EFCAB8: variants seen among roughly 807,000 people sequenced by gnomAD.
EFCAB8 encodes EF-hand calcium-binding domain-containing protein 8.
Under a neutral mutation model 116.3 loss-of-function variants are expected in EFCAB8, and 100 were observed. The observed-to-expected ratio is 0.86, with a 90% CI of 0.73 to 1.02. The LOEUF is 1.02. Ranked by LOEUF, EFCAB8 falls within the 50% of genes least tolerant of loss-of-function variation. EFCAB8 has a pLI of 0.00. For synonymous variants in EFCAB8, 558 were observed against 567.9 expected (o/e 0.98, Z 0.25); for missense variants, 1,320 against 1,416.9 (o/e 0.93, Z 1.10).
Position 32,961,440 on chromosome 20 carries a change from C to T in EFCAB8, c.3698C>T (p.Ser1233Leu). ...TTCTCCTTCTTGCTGCGGCCCCAGT[C>T]AGCCTCCACAGCCCATTCCACCCCC... ...PQFSFLLRPQ[S>L]ASTAHSTPSV... Residue 1233 changes from serine to leucine, a missense_variant, in exon 27 of 27, where the codon TCA becomes TTA. By Grantham distance (145) the Ser-to-Leu change is moderately radical. Transcript: ENST00000400522. 1 of 1,456,748 alleles carries T rather than the reference C, an allele frequency of 6.9e-7. No individual in the cohort carries two copies. Among genetic ancestry groups the T allele is most frequent in the Non-Finnish European group, 9.1e-7 (1 of 1,102,558 alleles). The allele number at this position is 1,456,748 out of a possible 1,614,324, so 90.2% of individuals were successfully genotyped here.
intron 11 of EFCAB8, among the ~76,000 whole-genome samples, chr20:32,904,858 C>T (rs962235456): frequency 6.6e-6 from 1 of 152,140 alleles, no homozygotes; most frequent in Non-Finnish European, 1.5e-5. Flanking sequence ...AACTCCTGAC[C>T]TCAGGTGATC....
At chr20:32,951,280 C>A (rs1440312911) in intron 23 of EFCAB8, among the ~76,000 whole-genome samples, 1 of 152,142 alleles carries the variant, frequency 6.6e-6, no homozygotes, top group Non-Finnish European at 1.5e-5. Flanking sequence ...AGAAACGATT[C>A]AAATGTCCAT....
intron 23 of EFCAB8, among the ~76,000 whole-genome samples, chr20:32,952,834 T>C (rs552509124): frequency 2.0e-5 from 3 of 152,334 alleles, no homozygotes; most frequent in African/African-American, 7.2e-5. Context: ...GTAAAATATA[T>C]AGCATAAAAC....
intron 22 of EFCAB8, among the ~76,000 whole-genome samples, chr20:32,931,565 T>C (rs1324677945): frequency 1.3e-5 from 2 of 152,144 alleles, no homozygotes; most frequent in Non-Finnish European, 2.9e-5. Context: ...GAGACCAGCC[T>C]GACCAACATG....
At chr20:32,914,525 CA>C (rs1412105258) in intron 17 of EFCAB8, among the ~76,000 whole-genome samples, 1 of 152,168 alleles carries the variant, frequency 6.6e-6, no homozygotes, top group South Asian at 2.1e-4. Flanking sequence ...TAATTTATGA[CA>C]AAAAAGGGTT....
chr20:32,942,257 T>A (rs908017587), intron 22 of EFCAB8, among the ~76,000 whole-genome samples: 1 of 152,248 alleles, frequency 6.6e-6, no homozygotes, highest in Non-Finnish European at 1.5e-5. Flanking sequence ...TTAATTAAGA[T>A]GCCTTTGTTT....
chr20:32,876,734 AG>A (rs1197247048), intron 4 of EFCAB8, among the ~76,000 whole-genome samples: 10 of 152,100 alleles, frequency 6.6e-5, no homozygotes, highest in South Asian at 2.1e-4. Flanking sequence ...TGGGAGGCCA[AG>A]GGGGGTGGAT....
At position 32,863,808 on chromosome 20, in the gene EFCAB8, T is replaced by C. The variant is rs1298043960; in HGVS notation, c.16T>C (p.Leu6=). 1.3e-6 allele frequency: 2 copies of C among 1,551,306 alleles called. No individual in the cohort carries two copies. The highest frequency in any genetic ancestry group is 2.7e-5 in the African/African-American group (2 of 73,020). The change falls in exon 2 of 27, where the codon TTA becomes CTA. Residue 6 remains leucine, a synonymous_variant. Transcript: ENST00000400522. MSSED[L]AEIPQLQKLS... is the part of the protein sequence containing the mutation. ...GTCAAGGCTAATGTCTTCTGAAGAC[T>C]TAGCAGAGATCCCTCAACTCCAAAA...
At chr20:32,895,817 C>T (rs750006962) in intron 9 of EFCAB8, among the ~76,000 whole-genome samples, 2 of 152,026 alleles carry the variant, frequency 1.3e-5, no homozygotes, top group Non-Finnish European at 2.9e-5. Flanking sequence ...GTCATCTGCC[C>T]GTCTCGCCCT....
chr20:32,882,395 C>T (rs1194917519), intron 5 of EFCAB8, among the ~76,000 whole-genome samples: 1 of 152,238 alleles, frequency 6.6e-6, no homozygotes, highest in Non-Finnish European at 1.5e-5. Flanking sequence ...CAGAACCCAG[C>T]AGCACCTCAC....
At chr20:32,883,415 C>G (rs956890672) in intron 5 of EFCAB8, among the ~76,000 whole-genome samples, 1 of 152,288 alleles carries the variant, frequency 6.6e-6, no homozygotes, top group African/African-American at 2.4e-5. Flanking sequence ...GAGAATTTGT[C>G]CCTGCCAGCT....
chr20:32,873,115 C>T (rs967199443), intron 3 of EFCAB8, among the ~76,000 whole-genome samples: 13 of 152,024 alleles, frequency 8.6e-5, no homozygotes, highest in African/African-American at 2.9e-4. Flanking sequence ...CAAAACAAAA[C>T]AGAATACTAA....
intron 22 of EFCAB8, among the ~76,000 whole-genome samples, chr20:32,940,427 T>C (rs1350533264): frequency 6.7e-6 from 1 of 149,426 alleles, no homozygotes; most frequent in Non-Finnish European, 1.5e-5. Context: ...CATACAAAAA[T>C]TAACTCCAAA....
At chr20:32,913,855 A>G (rs186958347) in intron 17 of EFCAB8, among the ~76,000 whole-genome samples, 1 of 152,336 alleles carries the variant, frequency 6.6e-6, no homozygotes, top group East Asian at 1.9e-4. Flanking sequence ...AATCTCAAAG[A>G]TAATCCTCTT....
chr20:32,940,006 T>TGCCTCCCCCCCCCCCCCCCC (rs1988342781), intron 22 of EFCAB8, among the ~76,000 whole-genome samples: 1 of 59,250 alleles, frequency 1.7e-5, no homozygotes, highest in African/African-American at 7.9e-5. Flanking sequence ...CCTGCCTGCC[T>TGCCTCCCCCCCCCCCCCCCC]CCCTCCCTCC....
At chr20:32,908,734 G>A (rs1447105722) in intron 14 of EFCAB8, among the ~76,000 whole-genome samples, 1 of 152,184 alleles carries the variant, frequency 6.6e-6, no homozygotes, top group African/African-American at 2.4e-5. Context: ...TCTTGGCCCC[G>A]TTCCTTGTCT....
chr20:32,908,110 C>G (rs1384725904), intron 13 of EFCAB8, among the ~76,000 whole-genome samples, 165 bp from the exon 14 acceptor site: 1 of 152,216 alleles, frequency 6.6e-6, no homozygotes, highest in Non-Finnish European at 1.5e-5. Flanking sequence ...AGAGTAGCCT[C>G]TCTGCTGCTG....
chr20:32,905,097 C>G (rs1270129201), intron 11 of EFCAB8, among the ~76,000 whole-genome samples: 1 of 152,206 alleles, frequency 6.6e-6, no homozygotes, highest in Non-Finnish European at 1.5e-5. Flanking sequence ...TGAGCCTCAC[C>G]CGGCCCTAAT....
chr20:32,935,947 C>G (rs1276979799), intron 22 of EFCAB8, among the ~76,000 whole-genome samples: 1 of 152,136 alleles, frequency 6.6e-6, no homozygotes, highest in Admixed American at 6.5e-5. Flanking sequence ...TTACTTTGTT[C>G]ATTGTTTCCT....
Sources: gnomAD v4.1 joint callset for allele counts (sites outside exome capture counted in the v4.1 genomes callset) on GRCh38, gnomAD v4.1.1 for gene constraint, MANE v1.5 for transcripts, NCBI Gene and HGNC (gene_info 2026-07-23, HGNC 2026-07-21) for gene names.